The following WDFY3 variants were observed in gnomAD, a reference collection of about 807,000 sequenced individuals.
WDFY3 encodes WD repeat and FYVE domain containing 3.
A neutral mutation model predicts 409.6 loss-of-function variants in WDFY3; 66 were observed. The observed-to-expected ratio is 0.16, with a 90% CI of 0.13 to 0.20. WDFY3 has a LOEUF of 0.20. Among genes scored for constraint, WDFY3 ranks in the 10% least tolerant of loss-of-function variants. The probability of loss-of-function intolerance (pLI) is 1.00; values close to 1 mark genes in which losing one functional copy is unlikely to be tolerated. For missense variants in WDFY3, 3,031 were observed against 4,298.1 expected, an observed-to-expected ratio of 0.71 and a Z score of 8.24; for synonymous variants, 1,521 against 1,537.1, an observed-to-expected ratio of 0.99 and a Z score of 0.25.
At chr4:84,928,315 G>A (rs561703657) in intron 2 of WDFY3, among the ~76,000 whole-genome samples, 60 of 152,236 alleles carry the variant, frequency 3.9e-4, no homozygotes, top group African/African-American at 1.2e-3. Flanking sequence ...GGCTTCCTTG[G>A]TTCTGAGGCC....
At chr4:84,733,326 A>G (rs954033784) in intron 44 of WDFY3, 56 bp downstream of exon 44, 1 of 1,563,842 alleles carries the variant, frequency 6.4e-7, no homozygotes, top group Non-Finnish European at 8.7e-7. Context: ...AAACGCTTAC[A>G]GAGGAAAATA....
At chr4:84,912,650 G>T (rs1433297778) in intron 2 of WDFY3, among the ~76,000 whole-genome samples, 5 of 151,960 alleles carry the variant, frequency 3.3e-5, no homozygotes, top group Non-Finnish European at 7.4e-5. Context: ...TGCCAACCAA[G>T]AGGCAACAGA....
At chr4:84,941,762 T>G (rs555036748) in intron 1 of WDFY3, among the ~76,000 whole-genome samples, 52 of 152,158 alleles carry the variant, frequency 3.4e-4, no homozygotes, top group Non-Finnish European at 5.9e-4. Context: ...TCATATTACC[T>G]GATTTCAAGA....
At chr4:84,889,580 A>T (rs529969466) in intron 3 of WDFY3, among the ~76,000 whole-genome samples, 35 of 152,314 alleles carry the variant, frequency 2.3e-4, no homozygotes, top group South Asian at 8.3e-4. Flanking sequence ...GCAGCAAAAA[A>T]GTTCTGGTGT....
At chr4:84,698,948 A>G (rs1730608783) in intron 56 of WDFY3, among the ~76,000 whole-genome samples, 1 of 152,160 alleles carries the variant, frequency 6.6e-6, no homozygotes, top group South Asian at 2.1e-4. Context: ...TCAGCTTCCC[A>G]AAGTCCTGGA....
intron 32 of WDFY3, 54 bp from the exon 33 acceptor site, chr4:84,757,215 C>T (rs1437619868): frequency 4.6e-6 from 7 of 1,508,310 alleles, no homozygotes; most frequent in Non-Finnish European, 5.5e-6. Context: ...GATAAACATG[C>T]TGCATTAACA....
Position 84,699,057 on chromosome 4 carries a change from T to C in WDFY3, c.8597-2234A>G, listed in dbSNP as rs543316811. ...AAGAGGCAAACTGTTTTTTTTTTTT[T>C]CTATTGGGGTGAAATTCACATAAAG... On this transcript the variant is annotated intron_variant, in intron 56 of 67. Transcript: ENST00000295888. Among the ~76,000 whole-genome samples the C allele has an allele frequency of 9.9e-5, 15 of 152,084 alleles. No individual in the cohort carries two copies. The South Asian group carries it at 2.1e-3, about 21-fold the overall frequency.
rs1441847284 is a variant in WDFY3, at chr4:84,801,942, C to A, written c.2608-78G>T. On this transcript the variant is annotated intron_variant, in intron 16 of 67. Coordinates refer to ENST00000295888, the MANE Select transcript of WDFY3 (RefSeq NM_014991.6). ...GACAATTCTTTTCACATGAAGCATA[C>A]CTTTTTAATTTTTTTTTTTTTTGAG... 15 of 1,422,862 alleles carry A rather than the reference C, an allele frequency of 1.1e-5. No individual in the cohort carries two copies. In the East Asian group the frequency reaches 3.0e-4, roughly 29 times the overall value. The allele number at this position is 1,422,862 out of a possible 1,614,324, so 88.1% of individuals were successfully genotyped here. A position where few individuals can be genotyped will look rare whatever the true frequency, so the allele number is the denominator to read the frequency against.
rs554791688 is a variant in WDFY3 at position 84,848,794 on chromosome 4, C to G, written c.304+1108G>C. On this transcript the variant is annotated intron_variant, in intron 5 of 67. Coordinates refer to ENST00000295888, the MANE Select transcript of WDFY3 (RefSeq NM_014991.6). ...CTGTGTATTCAGCACATCTCCCCAG[C>G]ACATGTATCTGTGAGATCATGAGAG... 2.0e-5 allele frequency among the ~76,000 whole-genome samples: 3 copies of G among 152,266 alleles called. No individual in the cohort carries two copies. The East Asian group carries it at 5.8e-4, about 29-fold the overall frequency.
chr4:84,724,868 G>A (rs1284792285), intron 45 of WDFY3, among the ~76,000 whole-genome samples: 2 of 152,162 alleles, frequency 1.3e-5, no homozygotes, highest in Admixed American at 6.5e-5. Flanking sequence ...TGTTAGTGCA[G>A]TGTGTCTTCT....
At chr4:84,867,946 A>G (rs937782083) in intron 3 of WDFY3, among the ~76,000 whole-genome samples, 18 of 152,024 alleles carry the variant, frequency 1.2e-4, no homozygotes, top group Admixed American at 6.6e-4. Flanking sequence ...CAAGGCGGGC[A>G]GATCACAAGG....
intron 1 of WDFY3, among the ~76,000 whole-genome samples, chr4:84,951,498 T>C (rs1034832150): frequency 6.6e-6 from 1 of 152,192 alleles, no homozygotes; most frequent in Non-Finnish European, 1.5e-5. Context: ...TGATGTAATA[T>C]AAAAAATCTA....
chr4:84,829,114 C>T lies in WDFY3; in HGVS notation c.846G>A (p.Met282Ile), dbSNP rs938307842. 1 of 1,613,668 alleles carries T rather than the reference C, an allele frequency of 6.2e-7. No individual in the cohort carries two copies. Among genetic ancestry groups the T allele is most frequent in the African/African-American group, 1.3e-5 (1 of 74,912 alleles). ...DDLSPLEIVE[M>I]FAGLSCFLKD... ...TGAGGAAACAAGAAAGCCCAGCAAA[C>T]ATTTCGACAATTTCTAGGGGAGACA... The change falls in exon 9 of 68, where the codon ATG becomes ATA. Residue 282 changes from methionine (M) to isoleucine (I), a missense_variant. Met to Ile is a conservative substitution (Grantham distance 10). Coordinates refer to ENST00000295888, the MANE Select transcript of WDFY3 (RefSeq NM_014991.6).
chr4:84,846,273 T>C (rs189878480), intron 5 of WDFY3, among the ~76,000 whole-genome samples: 7 of 152,262 alleles, frequency 4.6e-5, no homozygotes, highest in Non-Finnish European at 1.5e-5. Flanking sequence ...GTTAATAAGA[T>C]GTCATCAATG....
intron 2 of WDFY3, among the ~76,000 whole-genome samples, chr4:84,930,823 C>G (rs4569747): frequency 0.067 from 10,127 of 152,164 alleles, 1,161 homozygotes; most frequent in African/African-American, 0.23. Flanking sequence ...CTGGGTAACA[C>G]AGATGAATGC....
At chr4:84,948,184 C>T (rs942852878) in intron 1 of WDFY3, among the ~76,000 whole-genome samples, 25 of 152,138 alleles carry the variant, frequency 1.6e-4, no homozygotes, top group African/African-American at 5.3e-4. Flanking sequence ...AAATAAATTC[C>T]TAAAGGGTAA....
rs777259178 is a variant in WDFY3 at position 84,829,047 on chromosome 4, G to A, written c.913C>T (p.Arg305Trp). 7.4e-6 allele frequency: 12 copies of A among 1,612,946 alleles called. No individual in the cohort carries two copies. Among genetic ancestry groups the A allele is most frequent in the Middle Eastern group, 1.6e-4 (1 of 6,076 alleles). The change falls in exon 9 of 68, where the codon CGG becomes TGG. Residue 305 changes from arginine to tryptophan, a missense_variant. Arg to Trp is a moderately radical substitution (Grantham distance 101). This residue lies in a region of WDFY3 where 1,322 missense variants were observed against 1,697.9 expected (regional missense o/e 0.78). Transcript: ENST00000295888. ...AGAAAATTATATCCTTGCCATATCC[G>A]AAAATCATCCAGAAGTGTTTGGGAA... is the stretch of plus-strand genomic sequence containing the variant. ...DVSQTLLDDF[R>W]IWQGYNFLCD... is the part of the protein sequence containing the mutation.
chr4:84,929,818 C>T (rs201006780), intron 2 of WDFY3, among the ~76,000 whole-genome samples: 2 of 151,590 alleles, frequency 1.3e-5, no homozygotes, highest in Non-Finnish European at 1.5e-5. Context: ...GGCTGAGGCA[C>T]GAGAATCGCT....
chr4:84,687,153 CT>C (rs983188288), intron 62 of WDFY3, among the ~76,000 whole-genome samples: 5 of 151,726 alleles, frequency 3.3e-5, no homozygotes, highest in African/African-American at 1.2e-4. Context: ...CCTTCTTCTT[CT>C]TTTTTTTGAG....
Sources: allele counts gnomAD v4.1 joint callset (sites outside exome capture counted in the v4.1 genomes callset), GRCh38; gene constraint gnomAD v4.1.1; regional missense constraint gnomAD v4.1.1; transcripts MANE v1.5; gene names NCBI Gene and HGNC (gene_info 2026-07-23, HGNC 2026-07-21).